PCGF5: variants seen among roughly 807,000 people sequenced by gnomAD.
PCGF5 encodes polycomb group RING finger protein 5.
A neutral mutation model predicts 44.3 loss-of-function variants in PCGF5; 9 were observed. That is an observed-to-expected ratio of 0.20 (90% CI 0.12 to 0.35). The LOEUF is 0.35. Among genes scored for constraint, PCGF5 ranks in the 10% least tolerant of loss-of-function variants. The pLI, the probability that PCGF5 is intolerant of heterozygous loss-of-function variation, is 1.00. For missense variants in PCGF5, 146 were observed against 305.3 expected, an observed-to-expected ratio of 0.48 and a Z score of 3.89; for synonymous variants, 95 against 102.5, an observed-to-expected ratio of 0.93 and a Z score of 0.44.
At chr10:91,167,000 C>G (rs1164175778) in intron 1 of PCGF5, among the ~76,000 whole-genome samples, 1 of 151,998 alleles carries the variant, frequency 6.6e-6, no homozygotes, top group Non-Finnish European at 1.5e-5. Context: ...GGGGAATGAC[C>G]GATTTCTAAG....
At chr10:91,222,442 C>T (rs1362172417) in intron 1 of PCGF5, among the ~76,000 whole-genome samples, 1 of 152,128 alleles carries the variant, frequency 6.6e-6, no homozygotes, top group Non-Finnish European at 1.5e-5. Context: ...AGATATCAAA[C>T]TGTAGTTAAT....
At chr10:91,190,512 A>G (rs1169566988) in intron 1 of PCGF5, among the ~76,000 whole-genome samples, 2 of 152,234 alleles carry the variant, frequency 1.3e-5, no homozygotes, top group Non-Finnish European at 2.9e-5. Flanking sequence ...TACCAAGGTC[A>G]TTTTGAATCA....
At position 91,278,888 on chromosome 10, in the gene PCGF5, G is replaced by A. The variant is rs1252933675; in HGVS notation, c.*572G>A. 6.5e-6 allele frequency: 1 copy of A among 153,204 alleles called. No individual in the cohort carries two copies. The highest frequency in any genetic ancestry group is 2.4e-5 in the African/African-American group (1 of 41,434). The allele number at this position is 153,204 out of a possible 1,614,324, so 9.5% of individuals were successfully genotyped here. ...TTTTGCCAAGAATTCCAATTATTCTGTAACATTAGAGCACAATATAATTGT... is the reference window on the plus strand; with the variant it reads ...TTTTGCCAAGAATTCCAATTATTCTATAACATTAGAGCACAATATAATTGT... On this transcript the variant is annotated 3_prime_UTR_variant, in exon 10 of 10. Transcript: ENST00000336126.
chr10:91,222,054 GAAGGGTA>G (rs1194499589), intron 1 of PCGF5, among the ~76,000 whole-genome samples: 1 of 152,248 alleles, frequency 6.6e-6, no homozygotes, highest in African/African-American at 2.4e-5. Flanking sequence ...GAAAGTTGTT[GAAGGGTA>G]TATTAAGGTT....
chr10:91,258,140 G>A (rs761560739), intron 6 of PCGF5, among the ~76,000 whole-genome samples: 3 of 152,106 alleles, frequency 2.0e-5, no homozygotes, highest in Admixed American at 2.0e-4. Flanking sequence ...ATGGGAGGAG[G>A]GAAGGTTGCG....
chr10:91,182,914 A>C (rs182248275), intron 1 of PCGF5, among the ~76,000 whole-genome samples: 1 of 152,306 alleles, frequency 6.6e-6, no homozygotes, highest in Non-Finnish European at 1.5e-5. Context: ...ATTTCCATGC[A>C]ATTGTATGGT....
rs139423453 is a variant in PCGF5 at position 91,214,600 on chromosome 10, G to A, written c.-183-8089G>A. Among the ~76,000 whole-genome samples, 178 of 152,296 alleles carry A rather than the reference G, an allele frequency of 1.2e-3. 1 individual carries two copies. The highest frequency in any genetic ancestry group is 2.3e-3 in the Non-Finnish European group (159 of 68,026). Reference sequence around the variant, plus strand: ...TTATAAGAACAAAGCAAAACAAAACGCAGCATTAAGAACCCAGTTGACCGG... The same window carrying A: ...TTATAAGAACAAAGCAAAACAAAACACAGCATTAAGAACCCAGTTGACCGG... On this transcript the variant is annotated intron_variant, in intron 1 of 9. Coordinates refer to the PCGF5 transcript ENST00000614189.
rs192274220 is a variant in PCGF5, at chr10:91,176,401, T to G, written c.-184+13320T>G. On this transcript the variant is annotated intron_variant, in intron 1 of 9. Coordinates refer to the PCGF5 transcript ENST00000614189. ...ACAATTATGTGTCTTGGAGTTGCTC[T>G]TCTCAAGGAGTATCTTTGTGGCATT... 4.9e-3 allele frequency among the ~76,000 whole-genome samples: 748 copies of G among 152,324 alleles called. 9 individuals are homozygous for G. Among genetic ancestry groups the G allele is most frequent in the African/African-American group, 0.017 (700 of 41,582 alleles).
chr10:91,190,268 G>A (rs1274629207), intron 1 of PCGF5, among the ~76,000 whole-genome samples: 3 of 152,186 alleles, frequency 2.0e-5, no homozygotes, highest in Non-Finnish European at 2.9e-5. Context: ...CCTTCCAAAG[G>A]TCTGACCTCT....
chr10:91,238,011 C>T lies in PCGF5; in HGVS notation c.113-2473C>T, dbSNP rs552409302. Among the ~76,000 whole-genome samples, 46 of 152,178 alleles carry T rather than the reference C, an allele frequency of 3.0e-4. No homozygotes were observed. In the South Asian group the frequency reaches 9.1e-3, roughly 30 times the overall value. ...TCTAGTAGCCACACTAAAAAAGAAA[C>T]AAGTAAAATTAATTTTAATAATACA... On this transcript the variant is annotated intron_variant, in intron 2 of 9. Coordinates refer to ENST00000336126, the MANE Select transcript of PCGF5 (RefSeq NM_032373.5).
upstream of PCGF5, among the ~76,000 whole-genome samples, chr10:91,161,651 CA>C (rs1843386080): frequency 6.6e-6 from 1 of 152,096 alleles, no homozygotes; most frequent in African/African-American, 2.4e-5. Flanking sequence ...GTATGGAGGG[CA>C]CATAGCTAGG....
chr10:91,259,326 T>C (rs959315223), intron 6 of PCGF5, among the ~76,000 whole-genome samples: 15 of 152,190 alleles, frequency 9.9e-5, no homozygotes, highest in East Asian at 1.9e-4. Flanking sequence ...CCAGCCTCTC[T>C]CTGTTGAACC....
intron 1 of PCGF5, chr10:91,163,208 G>C (rs1184843752): frequency 1.3e-5 from 2 of 150,154 alleles, no homozygotes; most frequent in South Asian, 4.1e-4. Context: ...CGGCGGGCGG[G>C]AGGGGGCCGC....
chr10:91,230,227 T>C (rs1844964481), intron 2 of PCGF5, among the ~76,000 whole-genome samples: 1 of 152,062 alleles, frequency 6.6e-6, no homozygotes, highest in Non-Finnish European at 1.5e-5. Flanking sequence ...TCAGAATGAG[T>C]TGGAACTGAT....
chr10:91,207,313 T>C (rs1236866832), intron 1 of PCGF5, among the ~76,000 whole-genome samples: 1 of 152,238 alleles, frequency 6.6e-6, no homozygotes, highest in Non-Finnish European at 1.5e-5. Context: ...TTTTCTACTT[T>C]CAGCTTCTTG....
chr10:91,156,635 T>G, the PCGF5 span, among the ~76,000 whole-genome samples: 1 of 152,194 alleles, frequency 6.6e-6, no homozygotes, highest in Admixed American at 6.5e-5. Context: ...CATTCCCATT[T>G]TATAATATTA....
intron 2 of PCGF5, chr10:91,227,784 A>G (rs1444787888): frequency 1.0e-6 from 1 of 992,384 alleles, no homozygotes; most frequent in Non-Finnish European, 1.2e-6. Flanking sequence ...ACACTCACAC[A>G]TACAAATACT....
intron 9 of PCGF5, among the ~76,000 whole-genome samples, chr10:91,276,106 A>G (rs1027894452): frequency 1.8e-5 from 2 of 111,366 alleles, no homozygotes; most frequent in Admixed American, 7.9e-5. Context: ...TCCAGTTTTG[A>G]AAAAAAAAAA....
chr10:91,280,450 A>G lies in PCGF5; in HGVS notation c.*2134A>G, dbSNP rs150651081. The G allele has an allele frequency of 6.6e-6, 1 of 152,506 alleles. No individual in the cohort carries two copies. Among genetic ancestry groups the G allele is most frequent in the African/African-American group, 2.4e-5 (1 of 41,462 alleles). The allele number at this position is 152,506 out of a possible 1,614,324, so 9.4% of individuals were successfully genotyped here. A position where few individuals can be genotyped will look rare whatever the true frequency, so the allele number is the denominator to read the frequency against. ...ATTTCACTATTTTCCAAGGAAATAT[A>G]TAGGAAGCAATTATGAAACTGAGAA... On this transcript the variant is annotated 3_prime_UTR_variant, in exon 10 of 10. Coordinates refer to ENST00000336126, the MANE Select transcript of PCGF5 (RefSeq NM_032373.5).
Sources: gnomAD v4.1 joint callset for allele counts (sites outside exome capture counted in the v4.1 genomes callset) on GRCh38, gnomAD v4.1.1 for gene constraint, MANE v1.5 for transcripts, NCBI Gene and HGNC (gene_info 2026-07-23, HGNC 2026-07-21) for gene names.